Variants in ABCA13 observed in about 807,000 individuals in gnomAD.
The protein encoded by ABCA13 is ATP-binding cassette sub-family A member 13.
ABCA13 carries 476 observed loss-of-function variants against 478.7 expected under a neutral mutation model. The observed-to-expected ratio is 0.99, with a 90% CI of 0.92 to 1.07. The LOEUF is 1.07. Ranked by LOEUF, ABCA13 falls within the 50% of genes least tolerant of loss-of-function variation. The probability of loss-of-function intolerance (pLI) is 0.00; values close to 1 mark genes in which losing one functional copy is unlikely to be tolerated. For missense variants in ABCA13, 6,060 were observed against 5,910.6 expected (o/e 1.03, Z -0.83); for synonymous variants, 2,252 against 2,158.9 (o/e 1.04, Z -1.20).
At chr7:48,644,284 G>A (rs1795294638) in intron 60 of ABCA13, among the ~76,000 whole-genome samples, 2 of 152,044 alleles carry the variant, frequency 1.3e-5, no homozygotes, top group African/African-American at 4.8e-5. Context: ...TAAAACTCAG[G>A]GCCCTTCCAT....
intron 47 of ABCA13, among the ~76,000 whole-genome samples, chr7:48,485,390 G>T (rs953029825): frequency 6.6e-6 from 1 of 151,988 alleles, no homozygotes; most frequent in African/African-American, 2.4e-5. Context: ...GGTAGGGAAG[G>T]AAATCCCACA....
At chr7:48,417,201 AG>A (rs1820138631) in intron 41 of ABCA13, among the ~76,000 whole-genome samples, 1 of 152,236 alleles carries the variant, frequency 6.6e-6, no homozygotes, top group African/African-American at 2.4e-5. Context: ...TACTGGGTCC[AG>A]GGGATAACCC....
At chr7:48,264,799 TG>T (rs1794660303) in intron 15 of ABCA13, among the ~76,000 whole-genome samples, 2 of 151,728 alleles carry the variant, frequency 1.3e-5, no homozygotes, top group South Asian at 4.1e-4. Flanking sequence ...TTATTTTTTT[TG>T]TTTGTTTTCT....
intron 49 of ABCA13, 106 bp from the exon 50 acceptor site, chr7:48,507,765 AT>A: frequency 2.3e-6 from 3 of 1,315,910 alleles, no homozygotes; most frequent in Non-Finnish European, 3.1e-6. Context: ...CTGATTATGA[AT>A]TTTTAATTAG....
intron 3 of ABCA13, among the ~76,000 whole-genome samples, chr7:48,217,886 G>T (rs1022423251): frequency 3.3e-5 from 5 of 152,094 alleles, no homozygotes; most frequent in Non-Finnish European, 5.9e-5. Flanking sequence ...AGCCTGGCAG[G>T]TCAAGCATTA....
chr7:48,492,752 A>T (rs921416577), intron 48 of ABCA13, among the ~76,000 whole-genome samples: 2 of 152,170 alleles, frequency 1.3e-5, no homozygotes, highest in African/African-American at 4.8e-5. Flanking sequence ...ATAGCTGGGC[A>T]TGGTGGCTCA....
chr7:48,353,212 G>A (rs577704509), intron 31 of ABCA13, among the ~76,000 whole-genome samples: 1 of 151,700 alleles, frequency 6.6e-6, no homozygotes, highest in African/African-American at 2.4e-5. Flanking sequence ...ACCAAAGCGG[G>A]GTGAGCCGTA....
chr7:48,366,267 T>C (rs2129013893), intron 31 of ABCA13, among the ~76,000 whole-genome samples: 1 of 152,082 alleles, frequency 6.6e-6, no homozygotes, highest in Non-Finnish European at 1.5e-5. Context: ...CCTGGAGCAG[T>C]CTTCCTTTAG....
rs1356747024 is a variant in ABCA13 at position 48,546,258 on chromosome 7, G to A, written c.14354+17913G>A. On this transcript the variant is annotated intron_variant, in intron 55 of 61. Transcript: ENST00000435803. ...AGCAGCCACTAGCAACATTTCAAGAGTACAAGAACCTTCTGTTTCAGGCAG... is the reference window on the plus strand; with the variant it reads ...AGCAGCCACTAGCAACATTTCAAGAATACAAGAACCTTCTGTTTCAGGCAG... Among the ~76,000 whole-genome samples, 3 of 151,716 alleles carry A rather than the reference G, an allele frequency of 2.0e-5. 1 individual carries two copies. Among genetic ancestry groups the A allele is most frequent in the Non-Finnish European group, 4.4e-5 (3 of 67,814 alleles).
At chr7:48,293,198 C>CCG (rs1554419713) in intron 20 of ABCA13, among the ~76,000 whole-genome samples, 3 of 134,772 alleles carry the variant, frequency 2.2e-5, no homozygotes, top group South Asian at 2.8e-4. Flanking sequence ...TTCAGCCCCC[C>CCG]CCCCGCCACA....
chr7:48,434,701 G>A (rs759504325), intron 42 of ABCA13, among the ~76,000 whole-genome samples: 2 of 151,870 alleles, frequency 1.3e-5, no homozygotes, highest in Non-Finnish European at 2.9e-5. Flanking sequence ...TGTATGGTAG[G>A]TGTCCATTTT....
In ABCA13 at chr7:48,352,632, C is replaced by T. The variant is rs181190767; in HGVS notation, c.10688+145C>T. 2.7e-4 allele frequency: 243 copies of T among 904,212 alleles called. 3 individuals are homozygous for T. The African/African-American group carries it at 3.5e-3, about 13-fold the overall frequency. The allele number at this position is 904,212 out of a possible 1,614,324, so 56.0% of individuals were successfully genotyped here. ...CCCCACTTTTTAATTTCGTAAGGTT[C>T]ATTTTTTTTATATGCTTGTACTCTT... is the stretch of plus-strand genomic sequence containing the variant. On this transcript the variant is annotated intron_variant, in intron 31 of 61. Coordinates refer to ENST00000435803, the MANE Select transcript of ABCA13 (RefSeq NM_152701.5).
At chr7:48,431,512 G>A (rs1822150701) in intron 42 of ABCA13, among the ~76,000 whole-genome samples, 1 of 152,128 alleles carries the variant, frequency 6.6e-6, no homozygotes, top group South Asian at 2.1e-4. Context: ...GTAATATTTA[G>A]TTTGTGTGTA....
At chr7:48,256,616 C>A (rs998201852) in intron 15 of ABCA13, among the ~76,000 whole-genome samples, 1 of 151,962 alleles carries the variant, frequency 6.6e-6, no homozygotes, top group Non-Finnish European at 1.5e-5. Context: ...AGGTGTGTGG[C>A]CTTACTTCTG....
intron 42 of ABCA13, among the ~76,000 whole-genome samples, chr7:48,437,292 T>A (rs942399213): frequency 2.6e-5 from 4 of 152,084 alleles, no homozygotes; most frequent in Non-Finnish European, 4.4e-5. Context: ...CTTTTGCATT[T>A]ACTTTCTACT....
intron 55 of ABCA13, among the ~76,000 whole-genome samples, chr7:48,572,944 C>T (rs1787818310): frequency 6.6e-6 from 1 of 152,000 alleles, no homozygotes; most frequent in Non-Finnish European, 1.5e-5. Flanking sequence ...TCTTCCTTTT[C>T]TTGGTTTATT....
intron 42 of ABCA13, among the ~76,000 whole-genome samples, chr7:48,442,516 G>C (rs1286511686): frequency 6.6e-6 from 1 of 152,012 alleles, no homozygotes; most frequent in Non-Finnish European, 1.5e-5. Context: ...TTTTGAAAAG[G>C]CTTTTCCAAG....
intron 8 of ABCA13, among the ~76,000 whole-genome samples, chr7:48,235,189 G>A (rs563127017): frequency 1.3e-5 from 2 of 152,120 alleles, no homozygotes; most frequent in Admixed American, 6.5e-5. Context: ...TTGTATCCCT[G>A]GCACAATTTT....
rs200534229 is a variant in ABCA13 at position 48,310,046 on chromosome 7, G to A, written c.9421G>A (p.Ala3141Thr). The change falls in exon 24 of 62, where the codon GCA becomes ACA. Residue 3141 changes from alanine (A) to threonine (T), a missense_variant. Ala to Thr is a moderately conservative substitution (Grantham distance 58). Coordinates refer to ENST00000435803, the MANE Select transcript of ABCA13 (RefSeq NM_152701.5). Reference sequence around the variant, plus strand: ...TCCCAAAGGGGAAAAATCTTGGATCGCAGCGGAGGAACTCTGTAGCCTGCC... The same window carrying A: ...TCCCAAAGGGGAAAAATCTTGGATCACAGCGGAGGAACTCTGTAGCCTGCC... ...TFPKGEKSWI[A>T]AEELCSLPGS... 1,603 of 1,613,932 alleles carry A rather than the reference G, an allele frequency of 9.9e-4. 1 individual carries two copies. The highest frequency in any genetic ancestry group is 1.2e-3 in the Middle Eastern group (7 of 6,062).
Sources: allele counts gnomAD v4.1 joint callset (sites outside exome capture counted in the v4.1 genomes callset), GRCh38; gene constraint gnomAD v4.1.1; transcripts MANE v1.5; gene names NCBI Gene and HGNC (gene_info 2026-07-23, HGNC 2026-07-21).